OSBPL1A: variants seen among roughly 807,000 people sequenced by gnomAD.
OSBPL1A encodes the protein oxysterol-binding protein-related protein 1.
Under a neutral mutation model 137.1 loss-of-function variants are expected in OSBPL1A, and 80 were observed. The ratio of observed to expected loss-of-function variants is 0.58; its 90% CI spans 0.49 to 0.70. OSBPL1A has a LOEUF of 0.70. OSBPL1A is among the 30% of genes least tolerant of loss of function. The pLI is 0.00. For missense variants in OSBPL1A, 970 were observed against 1,129.4 expected (o/e 0.86, Z 2.02); for synonymous variants, 365 against 389.7 (o/e 0.94, Z 0.75).
At chr18:24,268,381 A>G (rs1235458775) in intron 15 of OSBPL1A, among the ~76,000 whole-genome samples, 1 of 152,044 alleles carries the variant, frequency 6.6e-6, no homozygotes, top group African/African-American at 2.4e-5. Context: ...CAGCCTCCCA[A>G]AATGCTGCGA....
rs71266986 is a variant in OSBPL1A, at chr18:24,322,106, CT to C, written c.626-3298del. On this transcript the variant is annotated intron_variant, in intron 7 of 27. Transcript: ENST00000319481. ...TTTTAACATAGAGAGAAATATGTGACTTTTTTTTTTTTTTTTTTTTTGAGAC... is the reference window on the plus strand; with the variant it reads ...TTTTAACATAGAGAGAAATATGTGACTTTTTTTTTTTTTTTTTTTTGAGAC... 9.3e-3 allele frequency among the ~76,000 whole-genome samples: 1,142 copies of C among 122,740 alleles called. 3 individuals are homozygous for C. Among genetic ancestry groups the C allele is most frequent in the Middle Eastern group, 0.018 (4 of 228 alleles). 80.5% of individuals were successfully genotyped at this position (122,740 alleles called of 152,430 possible). A position where few individuals can be genotyped will look rare whatever the true frequency, so the allele number is the denominator to read the frequency against.
At chr18:24,391,237 C>G (rs1907334995) in intron 1 of OSBPL1A, among the ~76,000 whole-genome samples, 1 of 152,128 alleles carries the variant, frequency 6.6e-6, no homozygotes, top group Non-Finnish European at 1.5e-5. Context: ...CTAAAATAGT[C>G]AAAGTCATAC....
At chr18:24,342,478 T>C (rs1395437071) in intron 4 of OSBPL1A, among the ~76,000 whole-genome samples, 2 of 152,152 alleles carry the variant, frequency 1.3e-5, no homozygotes, top group African/African-American at 2.4e-5. Flanking sequence ...TAAGGGAGGC[T>C]GAAAAACTGT....
At chr18:24,288,703 G>A (rs1232301279) in intron 14 of OSBPL1A, among the ~76,000 whole-genome samples, 2 of 151,458 alleles carry the variant, frequency 1.3e-5, no homozygotes, top group Non-Finnish European at 1.5e-5. Context: ...GGAAGGCGGA[G>A]GTTGCAGTGA....
chr18:24,289,418 G>GTTTTTTTTTTTTTTTTTTTT (rs536281272), intron 14 of OSBPL1A, among the ~76,000 whole-genome samples: 4 of 94,208 alleles, frequency 4.2e-5, no homozygotes, highest in African/African-American at 8.5e-5. Context: ...GTTTTTTCCT[G>GTTTTTTTTTTTTTTTTTTTT]TTTTTTTTTT....
chr18:24,195,854 G>C (rs2087014897), intron 18 of OSBPL1A: 1 of 406,940 alleles, frequency 2.5e-6, no homozygotes, highest in Non-Finnish European at 4.5e-6. Flanking sequence ...AAGTCTATGG[G>C]GCAATATAAA....
intron 14 of OSBPL1A, chr18:24,301,219 A>G (rs2090394453): frequency 6.6e-6 from 1 of 152,192 alleles, no homozygotes; most frequent in South Asian, 2.1e-4. Context: ...TCTCTAAACA[A>G]TGTTGATTTC....
At chr18:24,349,849 C>G (rs2091408329) in intron 4 of OSBPL1A, among the ~76,000 whole-genome samples, 1 of 152,150 alleles carries the variant, frequency 6.6e-6, no homozygotes, top group African/African-American at 2.4e-5. Context: ...TTCACGGTCC[C>G]TGAGCAGAGA....
intron 17 of OSBPL1A, 66 bp from the exon 18 acceptor site, chr18:24,196,266 C>CT: frequency 9.1e-7 from 1 of 1,096,298 alleles, no homozygotes; most frequent in Non-Finnish European, 1.4e-6. Flanking sequence ...GGAAGAACTG[C>CT]TTTCATTCAC....
At chr18:24,232,068 T>A (rs1022542993) in intron 16 of OSBPL1A, among the ~76,000 whole-genome samples, 1 of 152,178 alleles carries the variant, frequency 6.6e-6, no homozygotes, top group African/African-American at 2.4e-5. Flanking sequence ...GTTTACGGTT[T>A]CCCACGTACC....
intron 2 of OSBPL1A, among the ~76,000 whole-genome samples, chr18:24,375,499 T>C (rs988674078): frequency 6.6e-6 from 1 of 152,176 alleles, no homozygotes; most frequent in Admixed American, 6.5e-5. Flanking sequence ...ACACATGGCA[T>C]ATTATGACTT....
intron 18 of OSBPL1A, among the ~76,000 whole-genome samples, chr18:24,192,722 TGGA>T (rs1449332277): frequency 6.6e-6 from 1 of 152,172 alleles, no homozygotes; most frequent in African/African-American, 2.4e-5. Flanking sequence ...GACAAATGCA[TGGA>T]GAAGAACCTC....
At chr18:24,167,250 C>T (rs1279785857) in intron 25 of OSBPL1A, 79 bp downstream of exon 25, 14 of 1,339,946 alleles carry the variant, frequency 1.0e-5, no homozygotes, top group East Asian at 7.0e-5. Context: ...CTGCCTGGGC[C>T]GACCCTACAC....
intron 1 of OSBPL1A, among the ~76,000 whole-genome samples, chr18:24,386,039 C>A (rs138005257): frequency 6.6e-6 from 1 of 152,148 alleles, no homozygotes; most frequent in African/African-American, 2.4e-5. Context: ...GGTTAAGGGG[C>A]AGGGAGCCAG....
chr18:24,314,214 A>G, intron 12 of OSBPL1A, 35 bp downstream of exon 12: 1 of 1,402,024 alleles, frequency 7.1e-7, no homozygotes, highest in South Asian at 1.3e-5. Context: ...ATGTTCTGTA[A>G]GTTTTAGGAA....
chr18:24,390,566 A>G (rs564308313), intron 1 of OSBPL1A, among the ~76,000 whole-genome samples: 2 of 151,734 alleles, frequency 1.3e-5, no homozygotes, highest in Non-Finnish European at 2.9e-5. Context: ...ATGGTGGCAC[A>G]TGCCTGTAAT....
At chr18:24,188,139 G>A (rs1315935014) in intron 18 of OSBPL1A, among the ~76,000 whole-genome samples, 1 of 152,262 alleles carries the variant, frequency 6.6e-6, no homozygotes, top group Non-Finnish European at 1.5e-5. Context: ...AGATGGACCA[G>A]GGATGACATT....
intron 4 of OSBPL1A, among the ~76,000 whole-genome samples, chr18:24,361,790 G>A (rs573343295): frequency 5.3e-5 from 8 of 152,062 alleles, no homozygotes; most frequent in Non-Finnish European, 1.0e-4. Context: ...AGCACTTGAG[G>A]TCAGGAGTTT....
chr18:24,298,284 GCT>G (rs2090329513), intron 14 of OSBPL1A, among the ~76,000 whole-genome samples: 1 of 152,178 alleles, frequency 6.6e-6, no homozygotes. Flanking sequence ...CCTCAGGGCT[GCT>G]CTGTCTATGG....
Sources: gnomAD v4.1 joint callset for allele counts (sites outside exome capture counted in the v4.1 genomes callset) on GRCh38, gnomAD v4.1.1 for gene constraint, MANE v1.5 for transcripts, NCBI Gene and HGNC (gene_info 2026-07-23, HGNC 2026-07-21) for gene names.